The following SAMSN1 variants were observed in gnomAD, a reference collection of about 807,000 sequenced individuals.
The protein encoded by SAMSN1 is SAM domain-containing protein SAMSN-1.
A neutral mutation model predicts 42.0 loss-of-function variants in SAMSN1; 31 were observed. The ratio of observed to expected loss-of-function variants is 0.74; its 90% confidence interval spans 0.55 to 1.00. SAMSN1 has a LOEUF of 1.00. SAMSN1 is among the 50% of genes least tolerant of loss of function. The probability of loss-of-function intolerance (pLI) is 0.00; values close to 1 mark genes in which losing one functional copy is unlikely to be tolerated. For missense variants in SAMSN1, 464 were observed against 439.4 expected (o/e 1.06, Z -0.50); for synonymous variants, 178 against 151.9 (o/e 1.17, Z -1.26).
At chr21:14,637,228 G>A (rs1372811584) in intron 2 of SAMSN1, among the ~76,000 whole-genome samples, 1 of 152,034 alleles carries the variant, frequency 6.6e-6, no homozygotes. Context: ...GGGACTGATT[G>A]CACTTAAACC....
intron 7 of SAMSN1, among the ~76,000 whole-genome samples, chr21:14,487,610 G>A (rs1281333037): frequency 6.6e-6 from 1 of 152,130 alleles, no homozygotes; most frequent in Non-Finnish European, 1.5e-5. Flanking sequence ...GAAAAATACT[G>A]GTTGAGAAAG....
intron 5 of SAMSN1, among the ~76,000 whole-genome samples, chr21:14,507,728 G>A (rs1286247300): frequency 6.6e-6 from 1 of 151,968 alleles, no homozygotes; most frequent in Admixed American, 6.5e-5. Flanking sequence ...CCAAAAAAGA[G>A]CTTGCATAGC....
intron 1 of SAMSN1, among the ~76,000 whole-genome samples, chr21:14,531,584 G>T (rs945331979): frequency 6.6e-6 from 1 of 151,614 alleles, no homozygotes; most frequent in African/African-American, 2.4e-5. Context: ...TTAAACATAC[G>T]TGATAATTGA....
chr21:14,564,406 T>C (rs1383245784), intron 2 of SAMSN1, among the ~76,000 whole-genome samples: 1 of 152,188 alleles, frequency 6.6e-6, no homozygotes, highest in Admixed American at 6.6e-5. Context: ...TGCATCTCAC[T>C]AAATCCTCTT....
chr21:14,510,387 C>A lies in SAMSN1; in HGVS notation c.484G>T (p.Gly162Ter). 6.2e-7 allele frequency: 1 copy of A among 1,614,176 alleles called. No homozygotes were observed. The highest frequency in any genetic ancestry group is 8.5e-7 in the Non-Finnish European group (1 of 1,180,016). The change falls in exon 5 of 8, where the codon GGA becomes TGA. Residue 162 changes from glycine (G) to a stop codon, truncating the protein, a stop_gained. Transcript: ENST00000400566. LOFTEE classifies it high-confidence loss of function. ...ACTCTGGCACGGCCACAGAATGGTCCTGAATAGGGGCCATCGTCATCCAGT... is the reference window on the plus strand; with the variant it reads ...ACTCTGGCACGGCCACAGAATGGTCATGAATAGGGGCCATCGTCATCCAGT... ...FRLDDDGPYSGPFCGRARVHT... is the reference protein window; with the variant it reads ...FRLDDDGPYS
chr21:14,533,311 T>G (rs539524714), intron 1 of SAMSN1, among the ~76,000 whole-genome samples: 1 of 152,338 alleles, frequency 6.6e-6, no homozygotes, highest in African/African-American at 2.4e-5. Context: ...TTGCTCTTTT[T>G]AACCAAATAC....
chr21:14,593,534 G>A (rs143170188), intron 7 of SAMSN1, among the ~76,000 whole-genome samples: 2 of 152,078 alleles, frequency 1.3e-5, no homozygotes, highest in Non-Finnish European at 2.9e-5. Context: ...GGCACACAGA[G>A]ATACTTTTTA....
chr21:14,510,164 A>T (rs1469612370), intron 5 of SAMSN1, 146 bp downstream of exon 5: 3 of 719,736 alleles, frequency 4.2e-6, no homozygotes, highest in African/African-American at 1.8e-5. Context: ...AAAGAAAAAA[A>T]GTCTTAGTAC....
intron 4 of SAMSN1, among the ~76,000 whole-genome samples, chr21:14,511,867 T>C (rs542580146): frequency 1.3e-5 from 2 of 152,306 alleles, no homozygotes; most frequent in South Asian, 4.1e-4. Context: ...AGTCCTACCA[T>C]TTATTATTTG....
rs79864091 is a variant in SAMSN1 at position 14,618,902 on chromosome 21, T to G, written c.157-2886A>C. Among the ~76,000 whole-genome samples the G allele has an allele frequency of 1.1e-4, 16 of 152,326 alleles. No individual in the cohort carries two copies. The East Asian group carries it at 2.9e-3, about 28-fold the overall frequency. ...ATAATTCTTCTTACCTTTCATTCAC[T>G]AGGGAATGTGTGGCTTAATTTTATT... On this transcript the variant is annotated intron_variant, in intron 2 of 15. Coordinates refer to the SAMSN1 transcript ENST00000647101.
chr21:14,635,370 C>A (rs2123369609), intron 2 of SAMSN1, among the ~76,000 whole-genome samples: 1 of 152,002 alleles, frequency 6.6e-6, no homozygotes, highest in East Asian at 1.9e-4. Context: ...AAAAGAAAAC[C>A]CTGAAATATG....
rs1020531131 is a variant in SAMSN1, at chr21:14,515,645, C to G, written c.279+1247G>C. Among the ~76,000 whole-genome samples, 3 of 151,884 alleles carry G rather than the reference C, an allele frequency of 2.0e-5. No homozygotes were observed. In the East Asian group the frequency reaches 5.8e-4, roughly 29 times the overall value. ...TGACCAAAAAAAGATAATTGGACTA[C>G]AATAAAATTAGGAACATTTGTGCTA... On this transcript the variant is annotated intron_variant, in intron 3 of 7. Coordinates refer to ENST00000400566, the MANE Select transcript of SAMSN1 (RefSeq NM_022136.5).
At chr21:14,505,633 A>C (rs1344384655) in intron 5 of SAMSN1, among the ~76,000 whole-genome samples, 1 of 152,206 alleles carries the variant, frequency 6.6e-6, no homozygotes, top group Non-Finnish European at 1.5e-5. Context: ...TGAGATAGAC[A>C]GCAACACAGT....
At chr21:14,522,757 A>G (rs1978576835) in intron 1 of SAMSN1, among the ~76,000 whole-genome samples, 1 of 152,244 alleles carries the variant, frequency 6.6e-6, no homozygotes, top group African/African-American at 2.4e-5. Context: ...TTTAAGAAAA[A>G]TTAATTTAAA....
intron 7 of SAMSN1, among the ~76,000 whole-genome samples, chr21:14,494,184 A>G (rs1986812527): frequency 6.6e-6 from 1 of 152,190 alleles, no homozygotes; most frequent in South Asian, 2.1e-4. Context: ...CAGAAATACC[A>G]TTTGACCCAG....
At chr21:14,554,698 CTTTTT>C (rs34880996) in intron 2 of SAMSN1, among the ~76,000 whole-genome samples, 1 of 130,530 alleles carries the variant, frequency 7.7e-6, no homozygotes, top group Admixed American at 7.9e-5. Flanking sequence ...TTTTCTTTTT[CTTTTT>C]TTTTTTTTTT....
chr21:14,516,947 C>A lies in SAMSN1; in HGVS notation c.224G>T (p.Trp75Leu). Residue 75 changes from tryptophan to leucine, a missense_variant, in exon 3 of 8, where the codon TGG (tryptophan) becomes TTG (leucine). Coordinates refer to ENST00000400566, the MANE Select transcript of SAMSN1 (RefSeq NM_022136.5). ...TTTACCCACTTTTTTCTTCATTGTC[C>A]ATGAAATAGCTCTCATTTTTTTACC... ...GLGKKMRAIS[W>L]TMKKKVGKKY... 1 of 1,613,024 alleles carries A rather than the reference C, an allele frequency of 6.2e-7. No homozygotes were observed. The highest frequency in any genetic ancestry group is 1.1e-5 in the South Asian group (1 of 90,948).
At chr21:14,619,493 C>T (rs1256297090) in intron 2 of SAMSN1, among the ~76,000 whole-genome samples, 1 of 152,202 alleles carries the variant, frequency 6.6e-6, no homozygotes, top group Non-Finnish European at 1.5e-5. Flanking sequence ...TTTACCTTAA[C>T]TAAATACTGG....
intron 2 of SAMSN1, among the ~76,000 whole-genome samples, chr21:14,576,008 G>A (rs1174552832): frequency 6.6e-6 from 1 of 152,212 alleles, no homozygotes; most frequent in Non-Finnish European, 1.5e-5. Flanking sequence ...GAAATAGTAT[G>A]AAGATGTGAA....
Sources: gnomAD v4.1 joint callset for allele counts (sites outside exome capture counted in the v4.1 genomes callset) on GRCh38, gnomAD v4.1.1 for gene constraint, MANE v1.5 for transcripts, NCBI Gene and HGNC (gene_info 2026-07-23, HGNC 2026-07-21) for gene names.